The following NIBAN1 variants were observed in gnomAD, a reference collection of about 807,000 sequenced individuals.
The protein encoded by NIBAN1 is protein Niban 1.
Under a neutral mutation model 75.1 loss-of-function variants are expected in NIBAN1, and 81 were observed. That is an observed-to-expected ratio of 1.08 (90% CI 0.90 to 1.30). The LOEUF is 1.30. Ranked by LOEUF, NIBAN1 falls within the 50% of genes most tolerant of loss-of-function variation. The probability of loss-of-function intolerance (pLI) is 0.00; values close to 1 mark genes in which losing one functional copy is unlikely to be tolerated. For missense variants in NIBAN1, 1,133 were observed against 1,128.1 expected (o/e 1.00, Z -0.06); for synonymous variants, 436 against 424.8 (o/e 1.03, Z -0.32).
intron 1 of NIBAN1, among the ~76,000 whole-genome samples, chr1:184,938,835 T>G (rs1380668025): frequency 6.6e-6 from 1 of 152,232 alleles, no homozygotes; most frequent in Non-Finnish European, 1.5e-5. Flanking sequence ...AAGATTATAT[T>G]TATTATATAA....
chr1:184,864,825 A>G (rs1280928285), intron 5 of NIBAN1, among the ~76,000 whole-genome samples: 1 of 151,914 alleles, frequency 6.6e-6, no homozygotes, highest in Non-Finnish European at 1.5e-5. Flanking sequence ...CGGCCAACAA[A>G]CATATTTTAA....
chr1:184,930,107 T>TA (rs1368369655), intron 1 of NIBAN1, among the ~76,000 whole-genome samples: 31 of 152,370 alleles, frequency 2.0e-4, no homozygotes, highest in Non-Finnish European at 2.9e-5. Context: ...ACCTTCCATG[T>TA]GTCTCTTACA....
intron 5 of NIBAN1, among the ~76,000 whole-genome samples, chr1:184,880,063 T>C (rs1001515493): frequency 8.5e-5 from 13 of 152,232 alleles, no homozygotes; most frequent in African/African-American, 2.9e-4. Flanking sequence ...GGCATCTGTT[T>C]AGTGGCAGTC....
At chr1:184,930,388 G>T (rs973548467) in intron 1 of NIBAN1, among the ~76,000 whole-genome samples, 1 of 152,166 alleles carries the variant, frequency 6.6e-6, no homozygotes, top group African/African-American at 2.4e-5. Context: ...TCTGGAAGAG[G>T]AGGAGACTGA....
At chr1:184,882,872 G>A (rs1490842860) in intron 5 of NIBAN1, among the ~76,000 whole-genome samples, 1 of 152,112 alleles carries the variant, frequency 6.6e-6, no homozygotes, top group African/African-American at 2.4e-5. Flanking sequence ...AGTCAGTGCT[G>A]GGCAATTTTT....
intron 9 of NIBAN1, among the ~76,000 whole-genome samples, chr1:184,814,688 G>C (rs1403851529): frequency 6.6e-6 from 1 of 152,160 alleles, no homozygotes; most frequent in Non-Finnish European, 1.5e-5. Context: ...TGTGGTATTT[G>C]ACAAACCTTT....
At chr1:184,851,753 T>C (rs2102264261) in intron 5 of NIBAN1, among the ~76,000 whole-genome samples, 1 of 151,444 alleles carries the variant, frequency 6.6e-6, no homozygotes, top group Non-Finnish European at 1.5e-5. Context: ...AAAAGGTGAG[T>C]TATGGGGGAT....
rs138240427 is a variant in NIBAN1 at position 184,937,145 on chromosome 1, C to CTTTT, written c.55+37153_55+37156dup. 1.9e-3 allele frequency among the ~76,000 whole-genome samples: 171 copies of CTTTT among 92,064 alleles called. 1 individual carries two copies. Among genetic ancestry groups the CTTTT allele is most frequent in the Non-Finnish European group, 2.8e-3 (140 of 49,138 alleles). The allele number at this position is 92,064 out of a possible 152,430, so 60.4% of individuals were successfully genotyped here. On this transcript the variant is annotated intron_variant, in intron 1 of 13. Transcript: ENST00000367511. ...GCTGACTTCTGTTAATAGCTGGATT[C>CTTTT]TTTTTTTTTTTTTTTTTTTTTTTGA... is the stretch of plus-strand genomic sequence containing the variant.
At chr1:184,821,972 G>T (rs1161813861) in intron 8 of NIBAN1, among the ~76,000 whole-genome samples, 1 of 152,122 alleles carries the variant, frequency 6.6e-6, no homozygotes, top group African/African-American at 2.4e-5. Flanking sequence ...CAGTGGAAAG[G>T]GGGCCTGAAC....
intron 1 of NIBAN1, among the ~76,000 whole-genome samples, chr1:184,922,847 T>A (rs1419459781): frequency 6.6e-6 from 1 of 152,216 alleles, no homozygotes; most frequent in Non-Finnish European, 1.5e-5. Flanking sequence ...CCTCAGGTGA[T>A]CCACCTGTTT....
In NIBAN1 at chr1:184,831,838, C is replaced by T; in HGVS notation, c.717+9G>A. On this transcript the variant is annotated intron_variant, in intron 6 of 13. Transcript: ENST00000367511. ...CAGAGAGAATCCAAAATTTTGAACC[C>T]CATATTACCTGGATTTCATCCCCAG... 6.2e-7 allele frequency: 1 copy of T among 1,605,954 alleles called. No individual in the cohort carries two copies. Among genetic ancestry groups the T allele is most frequent in the South Asian group, 1.1e-5 (1 of 90,824 alleles).
At chr1:184,897,522 T>C (rs1398349765) in intron 2 of NIBAN1, among the ~76,000 whole-genome samples, 1 of 152,188 alleles carries the variant, frequency 6.6e-6, no homozygotes, top group Non-Finnish European at 1.5e-5. Flanking sequence ...TCTCTGTCTA[T>C]AGTCTTTCCC....
At chr1:184,874,561 T>A (rs1571537868) in intron 5 of NIBAN1, among the ~76,000 whole-genome samples, 1 of 152,074 alleles carries the variant, frequency 6.6e-6, no homozygotes, top group African/African-American at 2.4e-5. Context: ...ATCTATCTAG[T>A]AACATTACAT....
At chr1:184,877,596 A>G (rs1656265699) in intron 5 of NIBAN1, among the ~76,000 whole-genome samples, 1 of 152,198 alleles carries the variant, frequency 6.6e-6, no homozygotes, top group Admixed American at 6.5e-5. Context: ...CTCACTGTTC[A>G]ATAACAACAG....
chr1:184,884,386 G>T (rs148026794), intron 5 of NIBAN1, among the ~76,000 whole-genome samples: 1 of 152,014 alleles, frequency 6.6e-6, no homozygotes, highest in East Asian at 1.9e-4. Flanking sequence ...ACCACGTCCA[G>T]CTATATTTTT....
chr1:184,825,511 G>A (rs1654819862), intron 6 of NIBAN1, among the ~76,000 whole-genome samples: 1 of 152,154 alleles, frequency 6.6e-6, no homozygotes, highest in African/African-American at 2.4e-5. Context: ...GATAATTAAT[G>A]GGACTGAAAC....
At chr1:184,903,574 C>T (rs1007343009) in intron 1 of NIBAN1, among the ~76,000 whole-genome samples, 2 of 151,940 alleles carry the variant, frequency 1.3e-5, no homozygotes, top group African/African-American at 2.4e-5. Context: ...AGCCTGGCAC[C>T]TTCTCCTCTC....
chr1:184,972,862 A>G (rs1248355426), intron 1 of NIBAN1, among the ~76,000 whole-genome samples: 1 of 152,220 alleles, frequency 6.6e-6, no homozygotes, highest in Non-Finnish European at 1.5e-5. Flanking sequence ...ACTTCAAATG[A>G]TTAGTGTACT....
intron 5 of NIBAN1, among the ~76,000 whole-genome samples, chr1:184,842,005 A>G (rs1036319411): frequency 1.3e-5 from 2 of 152,170 alleles, no homozygotes; most frequent in African/African-American, 4.8e-5. Context: ...TCCCTAGTAC[A>G]TAGTACTTAT....
Sources: gnomAD v4.1 joint callset for allele counts (sites outside exome capture counted in the v4.1 genomes callset) on GRCh38, gnomAD v4.1.1 for gene constraint, MANE v1.5 for transcripts, NCBI Gene and HGNC (gene_info 2026-07-23, HGNC 2026-07-21) for gene names.